Variants in ZFYVE26 observed in about 807,000 individuals in gnomAD.
The protein encoded by ZFYVE26 is zinc finger FYVE-type containing 26, also known as zinc finger FYVE domain-containing protein 26.
ZFYVE26 carries 181 observed loss-of-function variants against 276.5 expected under a neutral mutation model. The ratio of observed to expected loss-of-function variants is 0.65; its 90% CI spans 0.58 to 0.74. The LOEUF is 0.74. Among genes scored for constraint, ZFYVE26 ranks in the 30% least tolerant of loss-of-function variants. The pLI is 0.00. For synonymous variants in ZFYVE26, 1,129 were observed against 1,203.1 expected (o/e 0.94, Z 1.27); for missense variants, 2,821 against 3,097.9 (o/e 0.91, Z 2.12).
chr14:67,780,339 C>T lies in ZFYVE26; in HGVS notation c.4576G>A (p.Gly1526Ser), dbSNP rs1395832547. Residue 1526 changes from glycine to serine, a missense_variant, in exon 23 of 42, where the codon GGT (glycine) becomes AGT (serine). Transcript: ENST00000347230. Reference sequence around the variant, plus strand: ...CACCACACTGGGGGAGACTGCAAACCCAGAATCTAAGGAAAGACAAGAAAA... The same window carrying T: ...CACCACACTGGGGGAGACTGCAAACTCAGAATCTAAGGAAAGACAAGAAAA... ...AELQVYQKIL[G>S]LQSPPVWCDW... The T allele has an allele frequency of 6.2e-7, 1 of 1,613,078 alleles. No individual in the cohort carries two copies. The highest frequency in any genetic ancestry group is 1.7e-5 in the Admixed American group (1 of 59,922).
intron 39 of ZFYVE26, 96 bp from the exon 40 acceptor site, chr14:67,752,622 A>G (rs778145167): frequency 7.4e-5 from 96 of 1,294,634 alleles, no homozygotes; most frequent in African/African-American, 4.4e-4. Context: ...CTTGGTGTAG[A>G]TAAGCCATAT....
chr14:67,736,536 A>T (rs542848384), intron 13 of ZFYVE26, among the ~76,000 whole-genome samples: 1 of 152,332 alleles, frequency 6.6e-6, no homozygotes, highest in Admixed American at 6.5e-5. Flanking sequence ...AGTTGTGAAA[A>T]TATTAGAAAA....
rs146526180 is a variant in ZFYVE26, at chr14:67,729,231, C to A, written n.3268G>T. ...CCTACGCAGTGCACCCAGGCGTCGT[C>A]CGCTCTGAGCTGGTCCGGCACTCCT... On this transcript the variant is annotated non_coding_transcript_exon_variant, in exon 14 of 15. Coordinates refer to the ZFYVE26 transcript ENST00000394455. 5.0e-6 allele frequency: 8 copies of A among 1,611,358 alleles called. No individual in the cohort carries two copies. The African/African-American group carries it at 1.1e-4, about 22-fold the overall frequency.
rs2039549360 is a variant in ZFYVE26 at position 67,783,119 on chromosome 14, C to T, written c.4033G>A (p.Val1345Met). Residue 1345 changes from valine to methionine, a missense_variant, in exon 21 of 42, where the codon GTG (valine) becomes ATG (methionine). Transcript: ENST00000347230. ...GCTACCTGCTCTGCAGCCAGAGGCACCTCCCTGCGGCCACGAAGTTCCTTC... is the reference window on the plus strand; with the variant it reads ...GCTACCTGCTCTGCAGCCAGAGGCATCTCCCTGCGGCCACGAAGTTCCTTC... ...SWKELRGRRE[V>M]PLAAEQVARE... 6.2e-7 allele frequency: 1 copy of T among 1,609,998 alleles called. No homozygotes were observed. Among genetic ancestry groups the T allele is most frequent in the Non-Finnish European group, 8.5e-7 (1 of 1,176,990 alleles).
Position 67,748,274 on chromosome 14 carries a change from C to T in ZFYVE26, c.*162G>A. 1.3e-6 allele frequency: 1 copy of T among 744,692 alleles called. No homozygotes were observed. Among genetic ancestry groups the T allele is most frequent in the East Asian group, 2.7e-5 (1 of 37,098 alleles). 46.1% of individuals were successfully genotyped at this position (744,692 alleles called of 1,614,324 possible). The stretch of plus-strand genomic sequence containing the variant: ...AAACATGGCACTTGCGTGAAAGGTC[C>T]TATCCTTGCCCGGGAAGGCAAGTAG... On this transcript the variant is annotated 3_prime_UTR_variant, in exon 42 of 42. Coordinates refer to ENST00000347230, the MANE Select transcript of ZFYVE26 (RefSeq NM_015346.4).
At chr14:67,796,471 G>A (rs934964498) in intron 12 of ZFYVE26, 8 of 152,004 alleles carry the variant, frequency 5.3e-5, no homozygotes, top group Non-Finnish European at 1.0e-4. Context: ...CTCCCAGAAT[G>A]CTGGGATTAC....
chr14:67,811,585 A>G (rs1437268404), intron 3 of ZFYVE26, among the ~76,000 whole-genome samples: 2 of 152,074 alleles, frequency 1.3e-5, no homozygotes, highest in African/African-American at 4.8e-5. Context: ...AGAGCAAGGC[A>G]TGTTCAATGT....
Position 67,785,934 on chromosome 14 carries a change from A to G in ZFYVE26, c.3228T>C (p.Cys1076=), listed in dbSNP as rs377376619. ...QMCWPSLSED[C]VASHTTLSQQ... ...GGGAGAGGGTGGTGTGGCTGGCAAC[A>G]CAGTCCTCGCTTAGGCTGGGCCAGC... Residue 1076 remains cysteine (C), a synonymous_variant, in exon 18 of 42, where the codon TGT becomes TGC. Transcript: ENST00000347230. 18 of 1,614,094 alleles carry G rather than the reference A, an allele frequency of 1.1e-5. No individual in the cohort carries two copies. Among genetic ancestry groups the G allele is most frequent in the Admixed American group, 1.7e-5 (1 of 59,990 alleles).
intron 20 of ZFYVE26, 121 bp downstream of exon 20, chr14:67,784,213 T>C (rs1045666359): frequency 1.2e-6 from 1 of 839,142 alleles, no homozygotes; most frequent in African/African-American, 1.7e-5. Context: ...AATAAAAAAT[T>C]CAGTCAGGAA....
chr14:67,795,653 C>T (rs1385833642), intron 12 of ZFYVE26, among the ~76,000 whole-genome samples: 1 of 152,120 alleles, frequency 6.6e-6, no homozygotes, highest in African/African-American at 2.4e-5. Context: ...AAAAGATCAA[C>T]ACCAAAAGCC....
rs1483590344 is a variant in ZFYVE26 at position 67,783,439 on chromosome 14, C to G, written c.3713G>C (p.Cys1238Ser). The change falls in exon 21 of 42, where the codon TGC becomes TCC. Residue 1238 changes from cysteine to serine, a missense_variant. Transcript: ENST00000347230. The part of the protein sequence containing the change: ...VSCCCEPLAL[C>S]SSRQSQQTSS... ...GGTCTGCTGGCTTTGCCGGGATGAG[C>G]AAAGAGCAAGGGGCTCACAGCAGCA... 1 of 1,614,082 alleles carries G rather than the reference C, an allele frequency of 6.2e-7. No individual in the cohort carries two copies.
intron 7 of ZFYVE26, 31 bp from the exon 8 acceptor site, chr14:67,805,336 T>C (rs1239132439): frequency 6.2e-7 from 1 of 1,613,878 alleles, no homozygotes; most frequent in Non-Finnish European, 8.5e-7. Flanking sequence ...AAAGAGATGC[T>C]GACTCAGGCA....
rs76008733 is a variant in ZFYVE26 at position 67,794,429 on chromosome 14, T to C, written c.2333-190A>G. On this transcript the variant is annotated intron_variant, in intron 12 of 41. Coordinates refer to ENST00000347230, the MANE Select transcript of ZFYVE26 (RefSeq NM_015346.4). ...CCAAAGGCAAAGGGTGGGCTGAATATGGCAACAGAGTTCACCTGGGTAATA... is the reference window on the plus strand; with the variant it reads ...CCAAAGGCAAAGGGTGGGCTGAATACGGCAACAGAGTTCACCTGGGTAATA... 0.026 allele frequency among the ~76,000 whole-genome samples: 3,912 copies of C among 152,294 alleles called. 83 individuals are homozygous for C. Among genetic ancestry groups the C allele is most frequent in the African/African-American group, 0.06 (2,495 of 41,556 alleles).
chr14:67,760,234 G>C (rs2038896949), intron 35 of ZFYVE26, among the ~76,000 whole-genome samples: 1 of 152,046 alleles, frequency 6.6e-6, no homozygotes, highest in Non-Finnish European at 1.5e-5. Context: ...TGGAAACTGA[G>C]GAAAAGGAAA....
Position 67,748,570 on chromosome 14 carries a change from G to A in ZFYVE26, c.7486C>T (p.Arg2496Trp), listed in dbSNP as rs763486617. 3.1e-6 allele frequency: 5 copies of A among 1,614,164 alleles called. No homozygotes were observed. Among genetic ancestry groups the A allele is most frequent in the East Asian group, 2.2e-5 (1 of 44,880 alleles). Residue 2496 changes from arginine to tryptophan, a missense_variant, in exon 42 of 42, where the codon CGG becomes TGG. By Grantham distance (101) the Arg-to-Trp change is moderately radical (BLOSUM62 -3). Coordinates refer to ENST00000347230, the MANE Select transcript of ZFYVE26 (RefSeq NM_015346.4). ...ACCTGCTGGACAAGGGCTGTGGCCC[G>A]TGAGTGTTCTTGCTTCACAGCAATC... is the stretch of plus-strand genomic sequence containing the variant. ...YLIAVKQEHS[R>W]ATALVQQVQQ...
intron 26 of ZFYVE26, 112 bp downstream of exon 26, chr14:67,775,748 C>A: frequency 6.9e-7 from 1 of 1,458,956 alleles, no homozygotes. Flanking sequence ...GAAGTGTATT[C>A]ATTCACTCTA....
intron 9 of ZFYVE26, 109 bp downstream of exon 9, chr14:67,803,992 C>A: frequency 6.8e-7 from 1 of 1,473,636 alleles, no homozygotes; most frequent in Middle Eastern, 2.4e-4. Context: ...CTCCTCACCA[C>A]CCTCTTGAAA....
intron 6 of ZFYVE26, among the ~76,000 whole-genome samples, chr14:67,806,216 A>T (rs1483822551): frequency 6.6e-6 from 1 of 152,196 alleles, no homozygotes; most frequent in Admixed American, 6.5e-5. Flanking sequence ...CTGGAAGGAA[A>T]AGGTTAAAGT....
At chr14:67,744,769 T>G (rs933689176), downstream of ZFYVE26, among the ~76,000 whole-genome samples, 3 of 152,242 alleles carry the variant, frequency 2.0e-5, no homozygotes, top group African/African-American at 7.2e-5. Context: ...CTGCATAGTA[T>G]TCTATGGTAT....
Sources: gnomAD v4.1 joint callset for allele counts (sites outside exome capture counted in the v4.1 genomes callset) on GRCh38, gnomAD v4.1.1 for gene constraint, MANE v1.5 for transcripts, NCBI Gene and HGNC (gene_info 2026-07-23, HGNC 2026-07-21) for gene names.